Variants in FAM81A observed in about 807,000 individuals in gnomAD.
FAM81A encodes the protein family with sequence similarity 81 member A.
A neutral mutation model predicts 46.7 loss-of-function variants in FAM81A; 19 were observed. The observed-to-expected ratio is 0.41, with a 90% CI of 0.28 to 0.60. The LOEUF (loss-of-function observed/expected upper bound fraction) is 0.60, where lower values mean the gene tolerates loss of function less well. Among genes scored for constraint, FAM81A ranks in the 20% least tolerant of loss-of-function variants. The pLI is 0.34. For synonymous variants in FAM81A, 183 were observed against 152.9 expected, an observed-to-expected ratio of 1.20 and a Z score of -1.45; for missense variants, 377 against 453.5, an observed-to-expected ratio of 0.83 and a Z score of 1.53.
intron 3 of FAM81A, among the ~76,000 whole-genome samples, chr15:59,461,277 A>G (rs1483928718): frequency 6.6e-6 from 1 of 152,074 alleles, no homozygotes; most frequent in Non-Finnish European, 1.5e-5. Flanking sequence ...GGTCTTTCGC[A>G]TCTGGCTTCT....
chr15:59,521,323 G>A lies in FAM81A; in HGVS notation c.1052G>A (p.Arg351Lys), dbSNP rs779985843. The part of the protein sequence containing the change: ...QVLEAKMKLD[R>K]DQLQKQIQLM... Reference sequence around the variant, plus strand: ...CTCGAGGCCAAGATGAAGCTGGACAGGGACCAGCTACAGAAGCAAATCCAG... The same window carrying A: ...CTCGAGGCCAAGATGAAGCTGGACAAGGACCAGCTACAGAAGCAAATCCAG... The change falls in exon 9 of 9, where the codon AGG becomes AAG. Residue 351 changes from arginine to lysine, a missense_variant. Physicochemically the swap from Arg to Lys is conservative, Grantham distance 26 (BLOSUM62 2). Transcript: ENST00000288228. The A allele has an allele frequency of 1.2e-6, 2 of 1,613,796 alleles. No homozygotes were observed. The highest frequency in any genetic ancestry group is 2.2e-5 in the South Asian group (2 of 91,048).
chr15:59,443,046 G>C (rs2081317397), intron 1 of FAM81A, among the ~76,000 whole-genome samples: 1 of 152,078 alleles, frequency 6.6e-6, no homozygotes, highest in Non-Finnish European at 1.5e-5. Flanking sequence ...ACCTAATAAT[G>C]TCCTTCATGG....
chr15:59,450,474 A>T (rs1202321504), intron 1 of FAM81A, among the ~76,000 whole-genome samples: 1 of 152,120 alleles, frequency 6.6e-6, no homozygotes, highest in African/African-American at 2.4e-5. Flanking sequence ...TTTACTAGAT[A>T]TTCAACATTG....
intron 2 of FAM81A, among the ~76,000 whole-genome samples, chr15:59,419,291 C>G (rs1471947843): frequency 6.6e-6 from 1 of 152,180 alleles, no homozygotes; most frequent in Non-Finnish European, 1.5e-5. Flanking sequence ...TCCTGTTATT[C>G]TTCTCATTTA....
chr15:59,449,262 A>G (rs1385972588), intron 1 of FAM81A, among the ~76,000 whole-genome samples: 2 of 152,038 alleles, frequency 1.3e-5, no homozygotes, highest in African/African-American at 2.4e-5. Flanking sequence ...ATTTTTTTTA[A>G]GTGGGGGCAA....
At chr15:59,456,439 C>T (rs2081485249) in intron 1 of FAM81A, among the ~76,000 whole-genome samples, 1 of 152,088 alleles carries the variant, frequency 6.6e-6, no homozygotes, top group Admixed American at 6.5e-5. Flanking sequence ...AACAATCTCT[C>T]CATCCCCTAT....
chr15:59,482,781 TCTAA>T (rs1315666068), intron 3 of FAM81A, among the ~76,000 whole-genome samples: 9 of 152,234 alleles, frequency 5.9e-5, no homozygotes, highest in Non-Finnish European at 1.0e-4. Context: ...TTCTATTGAC[TCTAA>T]CTAATAGGTG....
Position 59,516,657 on chromosome 15 carries a change from A to G in FAM81A, c.799A>G (p.Arg267Gly). 1 of 1,610,586 alleles carries G rather than the reference A, an allele frequency of 6.2e-7. No individual in the cohort carries two copies. The change falls in exon 8 of 9, where the codon AGG (arginine) becomes GGG (glycine). Residue 267 changes from arginine to glycine, a missense_variant. By Grantham distance (125) the Arg-to-Gly change is moderately radical. Transcript: ENST00000288228. The stretch of plus-strand genomic sequence containing the variant: ...TCATGGATCTCAGGGAGCCAGTGAA[A>G]GGGATATGGAGAAGAAGCTCAGCCA... Reference protein sequence around the residue: ...IVKENSGASERDMEKKLSQMS... With the variant: ...IVKENSGASEGDMEKKLSQMS...
rs1308522125 is a variant in FAM81A, at chr15:59,489,314, T to TATAC, written c.295-2940_295-2937dup. On this transcript the variant is annotated intron_variant, in intron 3 of 8. Coordinates refer to ENST00000288228, the MANE Select transcript of FAM81A (RefSeq NM_152450.3). ...ACATACATACATACATACATACATA[T>TATAC]ATACATACATACATACATACCTGTG... 1.7e-3 allele frequency among the ~76,000 whole-genome samples: 236 copies of TATAC among 139,612 alleles called. 1 individual carries two copies. Among genetic ancestry groups the TATAC allele is most frequent in the East Asian group, 8.3e-3 (41 of 4,920 alleles). 91.6% of individuals were successfully genotyped at this position (139,612 alleles called of 152,430 possible). A position where few individuals can be genotyped will look rare whatever the true frequency, so the allele number is the denominator to read the frequency against.
chr15:59,452,051 G>A (rs76096699), intron 1 of FAM81A, among the ~76,000 whole-genome samples: 204 of 152,248 alleles, frequency 1.3e-3, no homozygotes, highest in African/African-American at 4.7e-3. Flanking sequence ...AGTGTTTGCC[G>A]AATTTCAGTA....
At chr15:59,467,020 T>C (rs2141665181) in intron 3 of FAM81A, among the ~76,000 whole-genome samples, 1 of 152,292 alleles carries the variant, frequency 6.6e-6, no homozygotes, top group Middle Eastern at 3.4e-3. Context: ...TGGTTGTAGA[T>C]GTGTGGTATT....
intron 8 of FAM81A, among the ~76,000 whole-genome samples, chr15:59,520,554 G>C (rs958322682): frequency 7.0e-6 from 1 of 142,812 alleles, no homozygotes; most frequent in Non-Finnish European, 1.5e-5. Flanking sequence ...GTTTAGATTT[G>C]TTTGCTTCAT....
intron 1 of FAM81A, among the ~76,000 whole-genome samples, chr15:59,452,505 C>G (rs537079302): frequency 6.6e-6 from 1 of 152,106 alleles, no homozygotes; most frequent in Admixed American, 6.6e-5. Flanking sequence ...AAATTAGCCA[C>G]GTATGGTGGT....
chr15:59,404,149 T>C (rs2081084300), intron 2 of FAM81A, among the ~76,000 whole-genome samples: 2 of 152,170 alleles, frequency 1.3e-5, no homozygotes, highest in Non-Finnish European at 2.9e-5. Flanking sequence ...CCAAAAGTGC[T>C]GGGATTACAG....
At chr15:59,418,430 C>G (rs2081156403) in intron 2 of FAM81A, among the ~76,000 whole-genome samples, 1 of 152,188 alleles carries the variant, frequency 6.6e-6, no homozygotes, top group African/African-American at 2.4e-5. Flanking sequence ...CTGTAATTTA[C>G]AAGGGCAAGC....
chr15:59,504,125 A>AG (rs2082125176), intron 4 of FAM81A, among the ~76,000 whole-genome samples: 2 of 152,220 alleles, frequency 1.3e-5, no homozygotes, highest in Non-Finnish European at 1.5e-5. Flanking sequence ...TTTTAAAAAA[A>AG]CTATTATATT....
intron 2 of FAM81A, among the ~76,000 whole-genome samples, chr15:59,433,140 CAAAAAAAA>C (rs552850890): frequency 2.4e-5 from 1 of 42,450 alleles, no homozygotes; most frequent in Admixed American, 3.3e-4. Flanking sequence ...GACTCCGTCT[CAAAAAAAA>C]AAAAAAAAAA....
At position 59,405,975 on chromosome 15, in the gene FAM81A, G is replaced by A. The variant is rs76263108; in HGVS notation, c.-78+3617G>A. Reference sequence around the variant, plus strand: ...CTGGAGCTCCTGCAGTCTGCCACTCGCTCCTTCTGCCTGATAACAAATACT... The same window carrying A: ...CTGGAGCTCCTGCAGTCTGCCACTCACTCCTTCTGCCTGATAACAAATACT... On this transcript the variant is annotated intron_variant, in intron 2 of 4. Coordinates refer to the FAM81A transcript ENST00000558348. 7.3e-3 allele frequency among the ~76,000 whole-genome samples: 1,105 copies of A among 152,264 alleles called. 10 individuals are homozygous for A. The highest frequency in any genetic ancestry group is 0.023 in the African/African-American group (943 of 41,548).
chr15:59,516,155 C>G (rs2082264485), intron 7 of FAM81A, among the ~76,000 whole-genome samples: 1 of 141,658 alleles, frequency 7.1e-6, no homozygotes, highest in Non-Finnish European at 1.5e-5. Flanking sequence ...GAGACAGAGT[C>G]TCACTCTGTT....
Sources: gnomAD v4.1 joint callset for allele counts (sites outside exome capture counted in the v4.1 genomes callset) on GRCh38, gnomAD v4.1.1 for gene constraint, MANE v1.5 for transcripts, NCBI Gene and HGNC (gene_info 2026-07-23, HGNC 2026-07-21) for gene names.